The following SPON1 variants were observed in gnomAD, a reference collection of about 807,000 sequenced individuals.
SPON1 encodes the protein spondin-1.
A neutral mutation model predicts 111.7 loss-of-function variants in SPON1; 52 were observed. The observed-to-expected ratio is 0.47, with a 90% CI of 0.37 to 0.59. SPON1 has a LOEUF of 0.59. SPON1 is among the 20% of genes least tolerant of loss of function. The probability of loss-of-function intolerance (pLI) is 0.00; values close to 1 mark genes in which losing one functional copy is unlikely to be tolerated. For missense variants in SPON1, 957 were observed against 1,068.5 expected (o/e 0.90, Z 1.46); for synonymous variants, 410 against 395.8 (o/e 1.04, Z -0.43).
At chr11:14,229,568 G>C (rs782044866) in intron 6 of SPON1, among the ~76,000 whole-genome samples, 1 of 152,130 alleles carries the variant, frequency 6.6e-6, no homozygotes, top group Non-Finnish European at 1.5e-5. Context: ...GACTGATACC[G>C]TCTCATTTAA....
chr11:13,991,106 TTGAA>T (rs1197482812), intron 2 of SPON1, among the ~76,000 whole-genome samples: 1 of 152,194 alleles, frequency 6.6e-6, no homozygotes, highest in African/African-American at 2.4e-5. Flanking sequence ...TTTCCTGAAT[TTGAA>T]TGTTGGCCTG....
chr11:14,250,977 G>C (rs1849047325), intron 7 of SPON1, among the ~76,000 whole-genome samples: 1 of 152,188 alleles, frequency 6.6e-6, no homozygotes, highest in African/African-American at 2.4e-5. Context: ...CAGACATTGG[G>C]ATATAGCTAT....
intron 6 of SPON1, among the ~76,000 whole-genome samples, chr11:14,196,900 A>T (rs1393550978): frequency 6.6e-6 from 1 of 152,180 alleles, no homozygotes; most frequent in East Asian, 1.9e-4. Flanking sequence ...AAATACAAAA[A>T]TTAGCCAGAT....
chr11:14,172,627 G>C (rs1464576501), intron 6 of SPON1, among the ~76,000 whole-genome samples: 1 of 151,730 alleles, frequency 6.6e-6, no homozygotes, highest in African/African-American at 2.4e-5. Context: ...GCAGTGGCTG[G>C]TACCAGTTGT....
At chr11:14,168,272 T>G (rs782356592) in intron 6 of SPON1, among the ~76,000 whole-genome samples, 1 of 152,222 alleles carries the variant, frequency 6.6e-6, no homozygotes, top group African/African-American at 2.4e-5. Context: ...ACCAAATGTC[T>G]ACATTTTCAA....
intron 11 of SPON1, among the ~76,000 whole-genome samples, chr11:14,258,935 TC>T (rs1849140259): frequency 6.6e-6 from 1 of 152,248 alleles, no homozygotes; most frequent in Non-Finnish European, 1.5e-5. Context: ...GGATTGTTCC[TC>T]ATACAAATGG....
At chr11:14,174,571 G>T (rs1480162531) in intron 6 of SPON1, among the ~76,000 whole-genome samples, 4 of 151,332 alleles carry the variant, frequency 2.6e-5, no homozygotes, top group Non-Finnish European at 5.9e-5. Flanking sequence ...AATGGGGCCT[G>T]TGGCACCTCC....
intron 2 of SPON1, among the ~76,000 whole-genome samples, chr11:13,997,215 T>A (rs1848280305): frequency 6.6e-6 from 1 of 152,202 alleles, no homozygotes; most frequent in South Asian, 2.1e-4. Flanking sequence ...CAGGTTAGCA[T>A]CACAGTAGAA....
chr11:14,037,217 CG>C (rs1848601279), intron 2 of SPON1, among the ~76,000 whole-genome samples: 1 of 151,906 alleles, frequency 6.6e-6, no homozygotes, highest in African/African-American at 2.4e-5. Context: ...CCCATTAACT[CG>C]TCTCAGCTTT....
At position 13,990,241 on chromosome 11, in the gene SPON1, C is replaced by A. The variant is rs190564686; in HGVS notation, c.345+7288C>A. The stretch of plus-strand genomic sequence containing the variant: ...AATCTGAGTGCTCCTGTATTGGGTG[C>A]ACATATATTTAGGATAGTTAGCTCT... On this transcript the variant is annotated intron_variant, in intron 2 of 15. Transcript: ENST00000576479. Among the ~76,000 whole-genome samples, 5 of 152,190 alleles carry A rather than the reference C, an allele frequency of 3.3e-5. No individual in the cohort carries two copies. In the East Asian group the frequency reaches 5.8e-4, roughly 18 times the overall value.
chr11:14,030,447 C>T (rs782394799), intron 2 of SPON1, among the ~76,000 whole-genome samples: 2 of 152,122 alleles, frequency 1.3e-5, no homozygotes, highest in African/African-American at 4.8e-5. Flanking sequence ...CCAGAGGGTC[C>T]GCCAATGGTG....
At chr11:14,196,569 C>T (rs1554935107) in intron 6 of SPON1, among the ~76,000 whole-genome samples, 1 of 152,182 alleles carries the variant, frequency 6.6e-6, no homozygotes, top group East Asian at 1.9e-4. Flanking sequence ...GATCAAACAT[C>T]CTTGTTCCTT....
chr11:14,026,203 A>G (rs897066769), intron 2 of SPON1, among the ~76,000 whole-genome samples: 1 of 152,236 alleles, frequency 6.6e-6, no homozygotes, highest in Non-Finnish European at 1.5e-5. Flanking sequence ...GCACAAAGAC[A>G]AAATGCATTC....
At chr11:14,203,919 T>C (rs10766169) in intron 6 of SPON1, among the ~76,000 whole-genome samples, 35,091 of 152,200 alleles carry the variant, frequency 0.23, 4,153 homozygotes, top group Admixed American at 0.27. Context: ...TGTTCAAAAA[T>C]GGGAAGAATC....
intron 3 of SPON1, among the ~76,000 whole-genome samples, chr11:14,042,686 G>T (rs76123660): frequency 1.3e-5 from 2 of 152,026 alleles, no homozygotes; most frequent in East Asian, 3.9e-4. Flanking sequence ...TATGTATTTG[G>T]TTCATTTGTC....
rs1435831516 is a variant in SPON1 at position 14,117,628 on chromosome 11, C to T, written c.677-17792C>T. 5.3e-5 allele frequency among the ~76,000 whole-genome samples: 8 copies of T among 152,288 alleles called. No individual in the cohort carries two copies. In the South Asian group the frequency reaches 1.7e-3, roughly 32 times the overall value. On this transcript the variant is annotated intron_variant, in intron 5 of 15. Transcript: ENST00000576479. Reference sequence around the variant, plus strand: ...TATGGTCATGAAAGAGATTGGGCTTCCATCTTAACTTTTACCTCAATTTTG... The same window carrying T: ...TATGGTCATGAAAGAGATTGGGCTTTCATCTTAACTTTTACCTCAATTTTG...
intron 2 of SPON1, 62 bp from the exon 3 acceptor site, chr11:14,041,459 G>A (rs1848630618): frequency 1.3e-6 from 2 of 1,585,418 alleles, no homozygotes; most frequent in East Asian, 2.2e-5. Flanking sequence ...TACCAACTTA[G>A]AAGCTTAAGC....
chr11:14,205,580 T>G (rs1007643534), intron 6 of SPON1, among the ~76,000 whole-genome samples: 5 of 152,208 alleles, frequency 3.3e-5, no homozygotes, highest in African/African-American at 1.2e-4. Flanking sequence ...TTAATAAAAT[T>G]TATGATTGCA....
At chr11:13,990,582 A>G (rs1055175377) in intron 2 of SPON1, among the ~76,000 whole-genome samples, 21 of 151,214 alleles carry the variant, frequency 1.4e-4, no homozygotes, top group Admixed American at 1.3e-3. Flanking sequence ...TTTAAGTTTA[A>G]TATTATTATG....
Sources: allele counts gnomAD v4.1 joint callset (sites outside exome capture counted in the v4.1 genomes callset), GRCh38; gene constraint gnomAD v4.1.1; transcripts MANE v1.5; gene names NCBI Gene and HGNC (gene_info 2026-07-23, HGNC 2026-07-21).